Variants in PLCB4 observed in about 807,000 individuals in gnomAD.
PLCB4 encodes phospholipase C beta 4, also known as 1-phosphatidylinositol 4,5-bisphosphate phosphodiesterase beta-4.
PLCB4 carries 77 observed loss-of-function variants against 178.8 expected under a neutral mutation model. That is an observed-to-expected ratio of 0.43 (90% confidence interval 0.36 to 0.52). The LOEUF is 0.52. PLCB4 is among the 20% of genes least tolerant of loss of function. The pLI is 0.00. For synonymous variants in PLCB4, 496 were observed against 490.8 expected (o/e 1.01, Z -0.14); for missense variants, 1,024 against 1,453.4 (o/e 0.70, Z 4.80).
In PLCB4 at chr20:9,255,763, C is replaced by T. The variant is rs188941404; in HGVS notation, c.-16+38311C>T. ...TGTTGCAGCTACTCAACTCTGCATT[C>T]GTAGCATGAAAGCAGACATAGATAG... On this transcript the variant is annotated intron_variant, in intron 3 of 39. Transcript: ENST00000378473. 5.3e-5 allele frequency among the ~76,000 whole-genome samples: 8 copies of T among 152,146 alleles called. No individual in the cohort carries two copies. In the East Asian group the frequency reaches 1.4e-3, roughly 26 times the overall value.
At chr20:9,412,285 A>G (rs2148518666) in intron 25 of PLCB4, among the ~76,000 whole-genome samples, 1 of 152,290 alleles carries the variant, frequency 6.6e-6, no homozygotes, top group East Asian at 1.9e-4. Flanking sequence ...TAGTGGGCCA[A>G]GGCATCAAGC....
At chr20:9,145,154 T>A (rs2092574554) in intron 2 of PLCB4, among the ~76,000 whole-genome samples, 1 of 152,068 alleles carries the variant, frequency 6.6e-6, no homozygotes, top group Admixed American at 6.6e-5. Context: ...ACAAAAATAT[T>A]TCTCCAGTAT....
At chr20:9,152,156 A>G (rs1033736566) in intron 2 of PLCB4, among the ~76,000 whole-genome samples, 8 of 152,174 alleles carry the variant, frequency 5.3e-5, no homozygotes, top group Non-Finnish European at 1.0e-4. Context: ...GCAGAGCATA[A>G]AAGTTTGGAA....
chr20:9,479,704 G>A lies in PLCB4; in HGVS notation c.*695G>A, dbSNP rs1008145262. 2.6e-5 allele frequency: 4 copies of A among 152,610 alleles called. No homozygotes were observed. Among genetic ancestry groups the A allele is most frequent in the African/African-American group, 4.8e-5 (2 of 41,436 alleles). The allele number at this position is 152,610 out of a possible 1,614,324, so 9.5% of individuals were successfully genotyped here. A position where few individuals can be genotyped will look rare whatever the true frequency, so the allele number is the denominator to read the frequency against. ...TATAGGAATTGTTTCTGCAGATTCC[G>A]GATATTATAATTCACACCATAAAGA... On this transcript the variant is annotated 3_prime_UTR_variant, in exon 40 of 40. Coordinates refer to ENST00000378473, the MANE Select transcript of PLCB4 (RefSeq NM_001377142.1).
chr20:9,428,576 T>C (rs1262752101), intron 28 of PLCB4, among the ~76,000 whole-genome samples: 1 of 152,164 alleles, frequency 6.6e-6, no homozygotes. Flanking sequence ...GTTTGAGAAA[T>C]GCTTAATCTT....
intron 3 of PLCB4, among the ~76,000 whole-genome samples, chr20:9,293,731 C>T (rs1200220361): frequency 6.6e-6 from 1 of 152,122 alleles, no homozygotes; most frequent in Non-Finnish European, 1.5e-5. Flanking sequence ...AGTGATGATA[C>T]AGATAAACAA....
intron 3 of PLCB4, among the ~76,000 whole-genome samples, chr20:9,225,513 C>T (rs1038196588): frequency 6.6e-6 from 1 of 152,172 alleles, no homozygotes; most frequent in African/African-American, 2.4e-5. Flanking sequence ...TTTGTAGTTT[C>T]TTTGAGCTTG....
intron 8 of PLCB4, among the ~76,000 whole-genome samples, chr20:9,364,615 A>C (rs1047595011): frequency 6.6e-6 from 1 of 152,182 alleles, no homozygotes; most frequent in African/African-American, 2.4e-5. Flanking sequence ...ACTTTGTTTA[A>C]CTCTTTTTTC....
chr20:9,459,693 G>A lies in PLCB4; in HGVS notation c.3131G>A (p.Ser1044Asn), dbSNP rs2122444208. ...KEWSEMINTH[S>N]AEEQEIRDLH... is the part of the protein sequence containing the mutation. Reference sequence around the variant, plus strand: ...TGGTCAGAAATGATCAATACCCACAGTGCTGAGGAGCAAGAAATCCGAGAC... The same window carrying A: ...TGGTCAGAAATGATCAATACCCACAATGCTGAGGAGCAAGAAATCCGAGAC... The change falls in exon 35 of 40, where the codon AGT (serine) becomes AAT (asparagine). Residue 1044 changes from serine to asparagine, a missense_variant. By Grantham distance (46) the Ser-to-Asn change is conservative (BLOSUM62 1). Around this residue, in one of 7 missense-constraint regions of PLCB4, gnomAD observed 264 missense variants for 283.2 expected, o/e 0.93. Coordinates refer to ENST00000378473, the MANE Select transcript of PLCB4 (RefSeq NM_001377142.1). The A allele has an allele frequency of 6.2e-7, 1 of 1,613,008 alleles. No individual in the cohort carries two copies. The highest frequency in any genetic ancestry group is 1.3e-5 in the African/African-American group (1 of 74,960).
intron 2 of PLCB4, among the ~76,000 whole-genome samples, chr20:9,127,117 C>T (rs2092135256): frequency 6.6e-6 from 1 of 152,130 alleles, no homozygotes; most frequent in African/African-American, 2.4e-5. Context: ...AGCTCTAACC[C>T]TTTTCAGAAA....
rs761356713 is a variant in PLCB4, at chr20:9,190,509, T to C, written c.-78-26881T>C. On this transcript the variant is annotated intron_variant, in intron 2 of 39. Coordinates refer to ENST00000378473, the MANE Select transcript of PLCB4 (RefSeq NM_001377142.1). ...TGTAAGTCAATTTGTAAACCTCTTT[T>C]CTTTATAAATTACCCAGTCTCAGGC... is the stretch of plus-strand genomic sequence containing the variant. 9.1e-4 allele frequency among the ~76,000 whole-genome samples: 139 copies of C among 152,184 alleles called. 1 individual carries two copies. The highest frequency in any genetic ancestry group is 5.6e-3 in the Admixed American group (86 of 15,270).
At chr20:9,447,295 C>CT (rs2042471880) in intron 32 of PLCB4, among the ~76,000 whole-genome samples, 1 of 152,216 alleles carries the variant, frequency 6.6e-6, no homozygotes, top group Non-Finnish European at 1.5e-5. Flanking sequence ...CTGGATGGTT[C>CT]TTCTGGTCTC....
chr20:9,099,361 A>G (rs1415469279), intron 2 of PLCB4, among the ~76,000 whole-genome samples: 1 of 152,220 alleles, frequency 6.6e-6, no homozygotes, highest in African/African-American at 2.4e-5. Context: ...TTTCTTCTAT[A>G]AACTTTTAAA....
chr20:9,441,689 C>T (rs1350551537), intron 30 of PLCB4, among the ~76,000 whole-genome samples: 1 of 152,148 alleles, frequency 6.6e-6, no homozygotes, highest in Non-Finnish European at 1.5e-5. Context: ...TACCCTGACT[C>T]CTGTCAGCCT....
At chr20:9,292,153 C>T (rs1474796381) in intron 3 of PLCB4, among the ~76,000 whole-genome samples, 1 of 152,202 alleles carries the variant, frequency 6.6e-6, no homozygotes, top group Non-Finnish European at 1.5e-5. Flanking sequence ...TTACAATCCT[C>T]AGGCTTACTC....
chr20:9,088,171 T>C (rs1414555009), intron 1 of PLCB4, among the ~76,000 whole-genome samples: 1 of 28,544 alleles, frequency 3.5e-5, no homozygotes, highest in Non-Finnish European at 6.1e-5. Context: ...GGCTTTTCTT[T>C]TCTTTTCTTT....
At chr20:9,269,171 T>G (rs186015220) in intron 3 of PLCB4, among the ~76,000 whole-genome samples, 1 of 152,326 alleles carries the variant, frequency 6.6e-6, no homozygotes, top group East Asian at 1.9e-4. Context: ...TCTGATTAGT[T>G]GTTAACAGAA....
chr20:9,140,815 C>T (rs1028664500), intron 2 of PLCB4, among the ~76,000 whole-genome samples: 1 of 152,030 alleles, frequency 6.6e-6, no homozygotes, highest in Non-Finnish European at 1.5e-5. Context: ...AGTAAACCAT[C>T]TTTCTTTATA....
chr20:9,117,108 TTC>T (rs2091806397), intron 2 of PLCB4, among the ~76,000 whole-genome samples: 2 of 152,202 alleles, frequency 1.3e-5, no homozygotes, highest in South Asian at 4.1e-4. Flanking sequence ...CTGTAGAGAA[TTC>T]TATTATCTGT....
Sources: gnomAD v4.1 joint callset for allele counts (sites outside exome capture counted in the v4.1 genomes callset) on GRCh38, gnomAD v4.1.1 for gene constraint, gnomAD v4.1.1 regional missense constraint, MANE v1.5 for transcripts, NCBI Gene and HGNC (gene_info 2026-07-23, HGNC 2026-07-21) for gene names.